The following COP1 variants were observed in gnomAD, a reference collection of about 807,000 sequenced individuals.
The protein encoded by COP1 is E3 ubiquitin-protein ligase COP1.
A neutral mutation model predicts 101.3 loss-of-function variants in COP1; 24 were observed. The observed-to-expected ratio is 0.24, with a 90% CI of 0.17 to 0.33. The LOEUF is 0.33. Ranked by LOEUF, COP1 falls within the 10% of genes least tolerant of loss-of-function variation. The pLI, the probability that COP1 is intolerant of heterozygous loss-of-function variation, is 1.00. For synonymous variants in COP1, 347 were observed against 341.9 expected, an observed-to-expected ratio of 1.01 and a Z score of -0.17; for missense variants, 663 against 906.2, an observed-to-expected ratio of 0.73 and a Z score of 3.45.
intron 5 of COP1, among the ~76,000 whole-genome samples, chr1:176,151,938 G>C (rs1308061830): frequency 6.7e-6 from 1 of 150,160 alleles, no homozygotes; most frequent in Non-Finnish European, 1.5e-5. Context: ...TAGAACAACT[G>C]CCATTTTGAG....
Position 175,986,845 on chromosome 1 carries a change from C to T in COP1, c.2133+98G>A, listed in dbSNP as rs1657240106. The T allele has an allele frequency of 3.1e-6, 3 of 974,268 alleles. No homozygotes were observed. The South Asian group carries it at 5.9e-5, about 19-fold the overall frequency. 60.4% of individuals were successfully genotyped at this position (974,268 alleles called of 1,614,324 possible). A position where few individuals can be genotyped will look rare whatever the true frequency, so the allele number is the denominator to read the frequency against. On this transcript the variant is annotated intron_variant, in intron 18 of 19. Transcript: ENST00000367669. The stretch of plus-strand genomic sequence containing the variant: ...TACAAAGTTTTTTAAAAAGTACATA[C>T]CACATACCAATTTATATTTTAAAAT...
intron 1 of COP1, among the ~76,000 whole-genome samples, chr1:176,202,219 T>C (rs1206368268): frequency 7.0e-6 from 1 of 142,610 alleles, no homozygotes; most frequent in Non-Finnish European, 1.5e-5. Context: ...AGACAGGGTC[T>C]CACTTTGTCG....
intron 1 of COP1, among the ~76,000 whole-genome samples, chr1:176,186,169 G>A (rs139139062): frequency 2.0e-4 from 30 of 151,968 alleles, no homozygotes; most frequent in Middle Eastern, 3.2e-3. Flanking sequence ...AATATGTCAG[G>A]AGCTATTTAA....
chr1:175,971,238 T>A (rs956156200), intron 18 of COP1, among the ~76,000 whole-genome samples: 1 of 152,214 alleles, frequency 6.6e-6, no homozygotes, highest in African/African-American at 2.4e-5. Flanking sequence ...TTTTTTTTTG[T>A]TGTACAGAAC....
intron 8 of COP1, among the ~76,000 whole-genome samples, chr1:176,118,776 A>C (rs2502840): frequency 0.94 from 142,864 of 152,178 alleles, 67,504 homozygotes; most frequent in East Asian, 1. Context: ...AAACAAAAAA[A>C]CAAAAACAAA....
chr1:176,057,778 G>T (rs978915836), intron 11 of COP1, among the ~76,000 whole-genome samples: 4 of 151,932 alleles, frequency 2.6e-5, no homozygotes, highest in Admixed American at 1.3e-4. Flanking sequence ...AGTGAGGAGC[G>T]TCTCTGCCTG....
chr1:176,106,482 G>C (rs1392704258), intron 9 of COP1, among the ~76,000 whole-genome samples: 2 of 152,198 alleles, frequency 1.3e-5, no homozygotes. Flanking sequence ...GAGGCTACAA[G>C]ATTCTGACCT....
chr1:176,000,544 A>G (rs1296503141), intron 15 of COP1, among the ~76,000 whole-genome samples: 1 of 152,042 alleles, frequency 6.6e-6, no homozygotes, highest in Non-Finnish European at 1.5e-5. Flanking sequence ...TTTTACCTCC[A>G]TTTTAATCTT....
chr1:176,181,334 A>G (rs940079218), intron 2 of COP1, among the ~76,000 whole-genome samples: 28 of 152,124 alleles, frequency 1.8e-4, no homozygotes, highest in African/African-American at 6.5e-4. Context: ...TAGAAAGTTG[A>G]CACAAGAGGC....
intron 1 of COP1, among the ~76,000 whole-genome samples, chr1:176,186,756 T>C (rs1442392873): frequency 6.6e-6 from 1 of 152,088 alleles, no homozygotes; most frequent in Non-Finnish European, 1.5e-5. Flanking sequence ...GCTATCATAA[T>C]CCAGTGAGAA....
chr1:176,091,508 TG>T (rs1347078678), intron 9 of COP1, among the ~76,000 whole-genome samples: 6 of 152,142 alleles, frequency 3.9e-5, no homozygotes, highest in Admixed American at 2.6e-4. Flanking sequence ...ATCTAGTTTA[TG>T]GGGCTTAAGA....
intron 18 of COP1, among the ~76,000 whole-genome samples, chr1:175,966,280 TACACACACACACACACACAC>T (rs66711924): frequency 1.3e-5 from 2 of 150,164 alleles, no homozygotes; most frequent in Non-Finnish European, 3.0e-5. Context: ...GTGTTTGCAA[TACACACACACACACACACAC>T]ACACACACAC....
intron 7 of COP1, among the ~76,000 whole-genome samples, chr1:176,135,409 T>A (rs1260965371): frequency 2.0e-5 from 3 of 152,086 alleles, no homozygotes; most frequent in Non-Finnish European, 4.4e-5. Flanking sequence ...CATTATACTA[T>A]GTGAATAGTG....
chr1:176,115,576 G>A (rs997511936), intron 9 of COP1, among the ~76,000 whole-genome samples: 2 of 151,810 alleles, frequency 1.3e-5, no homozygotes, highest in Admixed American at 6.6e-5. Context: ...GTGAAACCCC[G>A]TTTCTACTAA....
chr1:176,067,644 A>G (rs980835751), intron 11 of COP1, among the ~76,000 whole-genome samples: 1 of 152,060 alleles, frequency 6.6e-6, no homozygotes, highest in African/African-American at 2.4e-5. Context: ...ACCACCACTC[A>G]ATACAAAAGC....
At chr1:175,945,818 A>G (rs1438480109) in intron 19 of COP1, among the ~76,000 whole-genome samples, 2 of 152,242 alleles carry the variant, frequency 1.3e-5, no homozygotes, top group African/African-American at 4.8e-5. Flanking sequence ...CTCACTAAGT[A>G]GCAAATATTT....
At chr1:176,029,774 C>A (rs897748004) in intron 14 of COP1, among the ~76,000 whole-genome samples, 16 of 152,062 alleles carry the variant, frequency 1.1e-4, no homozygotes, top group Admixed American at 8.5e-4. Flanking sequence ...ATAAGTAAAA[C>A]TGGTTCCAAT....
intron 15 of COP1, among the ~76,000 whole-genome samples, chr1:175,995,928 G>A (rs1257073232): frequency 6.6e-6 from 1 of 152,104 alleles, no homozygotes; most frequent in African/African-American, 2.4e-5. Flanking sequence ...ACCAAAGCCT[G>A]GCAGAGACAC....
chr1:176,195,403 A>G (rs1350903126), intron 1 of COP1, among the ~76,000 whole-genome samples: 1 of 152,226 alleles, frequency 6.6e-6, no homozygotes, highest in African/African-American at 2.4e-5. Flanking sequence ...AGAATATGTA[A>G]CTGACAGTAC....
Sources: gnomAD v4.1 joint callset for allele counts (sites outside exome capture counted in the v4.1 genomes callset) on GRCh38, gnomAD v4.1.1 for gene constraint, MANE v1.5 for transcripts, NCBI Gene and HGNC (gene_info 2026-07-23, HGNC 2026-07-21) for gene names.